HS3ST5: variants seen among roughly 807,000 people sequenced by gnomAD.
HS3ST5 encodes heparan sulfate-glucosamine 3-sulfotransferase 5, also known as heparan sulfate glucosamine 3-O-sulfotransferase 5.
HS3ST5 carries 10 observed loss-of-function variants against 25.4 expected under a neutral mutation model. That is an observed-to-expected ratio of 0.39 (90% CI 0.24 to 0.67). The LOEUF (loss-of-function observed/expected upper bound fraction) is 0.67. HS3ST5 is among the 30% of genes least tolerant of loss of function. The pLI, the probability that HS3ST5 is intolerant of heterozygous loss-of-function variation, is 0.44. For missense variants in HS3ST5, 324 were observed against 420.7 expected (o/e 0.77, Z 2.01); for synonymous variants, 170 against 162.4 (o/e 1.05, Z -0.36).
At chr6:114,250,580 CAA>C (rs11289635) in intron 1 of HS3ST5, among the ~76,000 whole-genome samples, 134 of 118,934 alleles carry the variant, frequency 1.1e-3, no homozygotes, top group East Asian at 1.5e-3. Context: ...GACTCCGTCT[CAA>C]AAAAAAAAAA....
At chr6:114,143,021 G>T (rs537355379) in intron 3 of HS3ST5, 3 of 152,290 alleles carry the variant, frequency 2.0e-5, no homozygotes, top group African/African-American at 7.2e-5. Context: ...AAACACTATA[G>T]GTAAGTTTAT....
At chr6:114,341,475 A>G (rs1004768893) in intron 1 of HS3ST5, among the ~76,000 whole-genome samples, 2 of 152,146 alleles carry the variant, frequency 1.3e-5, no homozygotes, top group Admixed American at 1.3e-4. Flanking sequence ...GCCCTAAACC[A>G]AGGTGGTCGC....
intron 3 of HS3ST5, among the ~76,000 whole-genome samples, chr6:114,099,433 T>C (rs1461598105): frequency 6.6e-6 from 1 of 152,176 alleles, no homozygotes; most frequent in Non-Finnish European, 1.5e-5. Context: ...GTAATTCCTA[T>C]TCCCTAAGGT....
At chr6:114,093,739 G>C (rs551578901) in intron 3 of HS3ST5, among the ~76,000 whole-genome samples, 1 of 151,746 alleles carries the variant, frequency 6.6e-6, no homozygotes, top group Non-Finnish European at 1.5e-5. Flanking sequence ...AATCTGAGCA[G>C]ACAAAAAAAA....
chr6:114,063,566 A>T (rs1773266912), intron 3 of HS3ST5, among the ~76,000 whole-genome samples: 1 of 152,172 alleles, frequency 6.6e-6, no homozygotes. Context: ...GGCAACCATA[A>T]ACTGAAGGCT....
chr6:114,304,183 T>C (rs1362661290), intron 1 of HS3ST5, among the ~76,000 whole-genome samples: 1 of 152,278 alleles, frequency 6.6e-6, no homozygotes, highest in Non-Finnish European at 1.5e-5. Context: ...CTGCTACTTA[T>C]AAGGAAGCAG....
At chr6:114,244,370 G>A (rs1772284469) in intron 1 of HS3ST5, among the ~76,000 whole-genome samples, 1 of 152,156 alleles carries the variant, frequency 6.6e-6, no homozygotes, top group Admixed American at 6.5e-5. Context: ...GTTATTCACT[G>A]CCCATATCAC....
chr6:114,268,585 C>T (rs939980455), intron 1 of HS3ST5, among the ~76,000 whole-genome samples: 3 of 152,186 alleles, frequency 2.0e-5, no homozygotes, highest in Non-Finnish European at 4.4e-5. Flanking sequence ...AGAAGGAATA[C>T]TCATAGCTAG....
At chr6:114,144,759 T>C (rs186504934) in intron 3 of HS3ST5, among the ~76,000 whole-genome samples, 2 of 152,334 alleles carry the variant, frequency 1.3e-5, no homozygotes, top group African/African-American at 4.8e-5. Flanking sequence ...ATCTGAACCA[T>C]GTTACAGTTT....
At chr6:114,104,142 T>G (rs939855176) in intron 3 of HS3ST5, among the ~76,000 whole-genome samples, 2 of 152,124 alleles carry the variant, frequency 1.3e-5, no homozygotes, top group Non-Finnish European at 2.9e-5. Flanking sequence ...ACAAAAATCA[T>G]GACAGATAAG....
intron 1 of HS3ST5, among the ~76,000 whole-genome samples, chr6:114,238,069 G>A (rs1228826257): frequency 6.6e-6 from 1 of 152,120 alleles, no homozygotes; most frequent in Non-Finnish European, 1.5e-5. Context: ...TCATGATAGT[G>A]GGAACACAAA....
At chr6:114,265,311 G>A (rs1441624881) in intron 1 of HS3ST5, among the ~76,000 whole-genome samples, 1 of 152,178 alleles carries the variant, frequency 6.6e-6, no homozygotes, top group Non-Finnish European at 1.5e-5. Context: ...ACACGTGTGT[G>A]GGGTTTGGCT....
chr6:114,119,026 C>G (rs6900164), intron 3 of HS3ST5, among the ~76,000 whole-genome samples: 113,282 of 152,092 alleles, frequency 0.74, 42,674 homozygotes, highest in Admixed American at 0.81. Flanking sequence ...ACTTAGATTG[C>G]AGGGTTGTTT....
chr6:114,213,349 G>T (rs1296131491), intron 2 of HS3ST5, among the ~76,000 whole-genome samples: 18 of 137,000 alleles, frequency 1.3e-4, no homozygotes, highest in Non-Finnish European at 2.6e-4. Flanking sequence ...GCGGGGGTGG[G>T]GGGGTGGGCA....
At chr6:114,140,580 CT>C (rs1244590641) in intron 3 of HS3ST5, among the ~76,000 whole-genome samples, 1 of 152,158 alleles carries the variant, frequency 6.6e-6, no homozygotes, top group Admixed American at 6.5e-5. Flanking sequence ...TTAGAAAGCA[CT>C]GGACCTTGCT....
At chr6:114,195,162 T>C (rs1341938839) in intron 2 of HS3ST5, among the ~76,000 whole-genome samples, 1 of 152,188 alleles carries the variant, frequency 6.6e-6, no homozygotes, top group Non-Finnish European at 1.5e-5. Flanking sequence ...GTTTGGATGA[T>C]GTCAGCAGAT....
chr6:114,258,863 T>G (rs1370829637), intron 1 of HS3ST5, among the ~76,000 whole-genome samples: 1 of 152,160 alleles, frequency 6.6e-6, no homozygotes, highest in African/African-American at 2.4e-5. Flanking sequence ...TCCAGGTTAT[T>G]TGAAATTATA....
At chr6:114,283,096 G>GA (rs1008544196) in intron 1 of HS3ST5, among the ~76,000 whole-genome samples, 1 of 151,584 alleles carries the variant, frequency 6.6e-6, no homozygotes, top group Non-Finnish European at 1.5e-5. Flanking sequence ...GAGAGGGCAG[G>GA]AAAAAATAAA....
intron 1 of HS3ST5, among the ~76,000 whole-genome samples, chr6:114,323,295 G>C (rs1776041503): frequency 6.6e-6 from 1 of 152,140 alleles, no homozygotes. Flanking sequence ...ACTGCCTAGT[G>C]CATATTTAAT....
Sources: gnomAD v4.1 joint callset for allele counts (sites outside exome capture counted in the v4.1 genomes callset) on GRCh38, gnomAD v4.1.1 for gene constraint, MANE v1.5 for transcripts, NCBI Gene and HGNC (gene_info 2026-07-23, HGNC 2026-07-21) for gene names.